UBAP2: variants seen among roughly 807,000 people sequenced by gnomAD.
The protein encoded by UBAP2 is ubiquitin-associated protein 2.
A neutral mutation model predicts 139.6 loss-of-function variants in UBAP2; 75 were observed. That is an observed-to-expected ratio of 0.54 (90% CI 0.45 to 0.65). UBAP2 has a LOEUF of 0.65. Ranked by LOEUF, UBAP2 falls within the 30% of genes least tolerant of loss-of-function variation. UBAP2 has a pLI of 0.00. For missense variants in UBAP2, 1,368 were observed against 1,369.6 expected, an observed-to-expected ratio of 1.00 and a Z score of 0.02; for synonymous variants, 526 against 526.2, an observed-to-expected ratio of 1.00 and a Z score of 0.01.
rs898009141 is a variant in UBAP2, at chr9:33,927,939, C to T, written c.2229G>A (p.Thr743=). ...SSHQSSATFS[T]AATSVSSSAS... ...CGGAACTTGAGACGGAGGTCGCTGCCGTGGAGAAGGTGGCTGAGGACTGGT... is the reference window on the plus strand; with the variant it reads ...CGGAACTTGAGACGGAGGTCGCTGCTGTGGAGAAGGTGGCTGAGGACTGGT... The change falls in exon 20 of 29, where the codon ACG becomes ACA. Residue 743 remains threonine, a synonymous_variant. Transcript: ENST00000379238. 1 of 1,614,126 alleles carries T rather than the reference C, an allele frequency of 6.2e-7. No individual in the cohort carries two copies.
intron 9 of UBAP2, among the ~76,000 whole-genome samples, chr9:33,962,473 C>T (rs936288590): frequency 2.0e-5 from 3 of 151,722 alleles, no homozygotes; most frequent in Non-Finnish European, 4.4e-5. Flanking sequence ...TGATGAAACC[C>T]CGTCTCTACT....
In UBAP2 at chr9:33,986,721, C is replaced by G. The variant is rs761218150; in HGVS notation, c.520+39G>C. 2.5e-6 allele frequency: 4 copies of G among 1,569,598 alleles called. No homozygotes were observed. In the Admixed American group the frequency reaches 6.7e-5, roughly 26 times the overall value. ...CAACGCAACTGCCTGCTTCTTCCCC[C>G]TAATTGAAAGCATTTTCTTCCCTCT... On this transcript the variant is annotated intron_variant, in intron 6 of 28. Coordinates refer to ENST00000379238, the MANE Select transcript of UBAP2 (RefSeq NM_001370062.2).
chr9:34,010,427 T>A (rs371266837), intron 2 of UBAP2, among the ~76,000 whole-genome samples: 220 of 108,314 alleles, frequency 2.0e-3, no homozygotes, highest in African/African-American at 3.4e-3. Context: ...CTCTGCCTCA[T>A]AAAAAAAAAA....
At chr9:34,024,962 C>T (rs553624687) in intron 1 of UBAP2, among the ~76,000 whole-genome samples, 39 of 151,146 alleles carry the variant, frequency 2.6e-4, no homozygotes, top group African/African-American at 8.5e-4. Context: ...CCAATCGGGG[C>T]GACAGAACAA....
At chr9:34,039,306 G>T (rs1182684858) in intron 1 of UBAP2, among the ~76,000 whole-genome samples, 1 of 151,900 alleles carries the variant, frequency 6.6e-6, no homozygotes, top group African/African-American at 2.4e-5. Flanking sequence ...ACCCCTTCTG[G>T]GAAGTGAGGA....
At chr9:34,031,811 A>G (rs184185993) in intron 1 of UBAP2, among the ~76,000 whole-genome samples, 16 of 151,996 alleles carry the variant, frequency 1.1e-4, no homozygotes, top group Admixed American at 2.0e-4. Context: ...AAAGAAAGAA[A>G]AAAAGAGGAT....
chr9:33,936,926 CAAAAAAAAAAAAAAAA>C lies in UBAP2; in HGVS notation c.1930-1064_1930-1049del, dbSNP rs66465145. On this transcript the variant is annotated intron_variant, in intron 16 of 28. Transcript: ENST00000379238. ...TGGGCACTGTAGCAAAACTCCAGCT[CAAAAAAAAAAAAAAAA>C]AAAAAAAAAACAGTCTGAATAGCCC... is the stretch of plus-strand genomic sequence containing the variant. 1.6e-3 allele frequency among the ~76,000 whole-genome samples: 93 copies of C among 59,792 alleles called. 1 individual carries two copies. The highest frequency in any genetic ancestry group is 6.2e-3 in the African/African-American group (86 of 13,878). The allele number at this position is 59,792 out of a possible 152,430, so 39.2% of individuals were successfully genotyped here.
intron 16 of UBAP2, among the ~76,000 whole-genome samples, chr9:33,939,823 AGGG>A (rs1209414293): frequency 4.3e-4 from 1 of 2,340 alleles, no homozygotes; most frequent in Non-Finnish European, 7.4e-4. Context: ...GGGAGGAGGA[AGGG>A]GGGGAGGAGG....
chr9:33,949,399 C>T (rs1825909498), intron 12 of UBAP2, among the ~76,000 whole-genome samples: 1 of 152,008 alleles, frequency 6.6e-6, no homozygotes, highest in African/African-American at 2.4e-5. Context: ...TGAGATGACC[C>T]TGCAAGATCA....
At chr9:33,953,152 A>C (rs975822352) in intron 12 of UBAP2, 133 bp downstream of exon 12, 1 of 871,938 alleles carries the variant, frequency 1.1e-6, no homozygotes, top group African/African-American at 1.7e-5. Context: ...TACAGGCATG[A>C]GCCATCATGC....
chr9:34,031,276 T>C, intron 1 of UBAP2, among the ~76,000 whole-genome samples: 2 of 118,380 alleles, frequency 1.7e-5, no homozygotes, highest in East Asian at 5.5e-4. Flanking sequence ...AAACTCAGTC[T>C]CAAAAAAAAA....
chr9:33,961,766 G>A (rs1239376161), intron 9 of UBAP2, among the ~76,000 whole-genome samples: 1 of 152,168 alleles, frequency 6.6e-6, no homozygotes, highest in East Asian at 1.9e-4. Context: ...GAGGGAAGAG[G>A]AGGAGCATGC....
intron 6 of UBAP2, among the ~76,000 whole-genome samples, chr9:33,983,868 A>G (rs1726882195): frequency 6.6e-6 from 1 of 152,164 alleles, no homozygotes; most frequent in Non-Finnish European, 1.5e-5. Context: ...CCAATTTACT[A>G]TGTGGCATAT....
intron 5 of UBAP2, among the ~76,000 whole-genome samples, chr9:33,988,631 T>G (rs1821412304): frequency 6.6e-6 from 1 of 152,204 alleles, no homozygotes; most frequent in Admixed American, 6.5e-5. Flanking sequence ...AACAAATGTG[T>G]CTGACTCATA....
chr9:33,993,900 T>TC (rs1034803766), intron 4 of UBAP2, among the ~76,000 whole-genome samples: 7 of 150,518 alleles, frequency 4.7e-5, no homozygotes, highest in African/African-American at 1.7e-4. Flanking sequence ...TGCTTTCTTT[T>TC]TTTTTTTTTT....
chr9:33,939,189 C>CTTTTTTTTT lies in UBAP2; in HGVS notation c.1929+2451_1929+2459dup, dbSNP rs72150705. 1.9e-3 allele frequency among the ~76,000 whole-genome samples: 153 copies of CTTTTTTTTT among 78,588 alleles called. 2 individuals carry two copies. The highest frequency in any genetic ancestry group is 2.6e-3 in the African/African-American group (52 of 19,940). The allele number at this position is 78,588 out of a possible 152,430, so 51.6% of individuals were successfully genotyped here. A position where few individuals can be genotyped will look rare whatever the true frequency, so the allele number is the denominator to read the frequency against. On this transcript the variant is annotated intron_variant, in intron 16 of 28. Transcript: ENST00000379238. ...AATAACATTATTTGATTTCCTATGTCTTTTTTTTTTTTTTTTTTTTTTGAG... is the reference window on the plus strand; with the variant it reads ...AATAACATTATTTGATTTCCTATGTCTTTTTTTTTTTTTTTTTTTTTTTTTTTTTTTGAG...
At chr9:34,023,975 C>T (rs1268354239) in intron 1 of UBAP2, among the ~76,000 whole-genome samples, 1 of 150,546 alleles carries the variant, frequency 6.6e-6, no homozygotes, top group Non-Finnish European at 1.5e-5. Flanking sequence ...ACCTGGGAGG[C>T]GGAGTCTGCA....
chr9:34,045,169 AC>A lies in UBAP2; in HGVS notation c.-42+3655del, dbSNP rs768774329. ...AAGACCATCTGGCTAACACTGTGAA[AC>A]CCCGTCTCTAATAAAAATACAAAAA... On this transcript the variant is annotated intron_variant, in intron 1 of 28. Coordinates refer to ENST00000379238, the MANE Select transcript of UBAP2 (RefSeq NM_001370062.2). 6.6e-5 allele frequency among the ~76,000 whole-genome samples: 10 copies of A among 151,868 alleles called. No homozygotes were observed. In the East Asian group the frequency reaches 1.8e-3, roughly 27 times the overall value.
intron 23 of UBAP2, 41 bp downstream of exon 23, chr9:33,924,165 G>C (rs776410886): frequency 6.2e-7 from 1 of 1,609,902 alleles, no homozygotes; most frequent in Non-Finnish European, 8.5e-7. Context: ...GTTCGCGCTA[G>C]GCCGGCCCCG....
Sources: gnomAD v4.1 joint callset for allele counts (sites outside exome capture counted in the v4.1 genomes callset) on GRCh38, gnomAD v4.1.1 for gene constraint, MANE v1.5 for transcripts, NCBI Gene and HGNC (gene_info 2026-07-23, HGNC 2026-07-21) for gene names.